The following VPS26A variants were observed in gnomAD, a reference collection of about 807,000 sequenced individuals.
VPS26A encodes the protein VPS26 retromer complex component A.
A neutral mutation model predicts 42.4 loss-of-function variants in VPS26A; 22 were observed. The ratio of observed to expected loss-of-function variants is 0.52; its 90% CI spans 0.37 to 0.74. The LOEUF is 0.74. Among genes scored for constraint, VPS26A ranks in the 30% least tolerant of loss-of-function variants. The pLI, the probability that VPS26A is intolerant of heterozygous loss-of-function variation, is 0.00. For missense variants in VPS26A, 276 were observed against 379.2 expected, an observed-to-expected ratio of 0.73 and a Z score of 2.26; for synonymous variants, 110 against 123.5, an observed-to-expected ratio of 0.89 and a Z score of 0.73.
chr10:69,151,568 T>G (rs1184593452), intron 2 of VPS26A, among the ~76,000 whole-genome samples: 2 of 152,230 alleles, frequency 1.3e-5, no homozygotes, highest in East Asian at 3.9e-4. Flanking sequence ...TGCCTTCAAA[T>G]TCTGGGATTC....
At chr10:69,160,226 C>T (rs533135037) in intron 5 of VPS26A, among the ~76,000 whole-genome samples, 8 of 152,226 alleles carry the variant, frequency 5.3e-5, no homozygotes, top group African/African-American at 1.9e-4. Flanking sequence ...ATGGCGTGAT[C>T]TCGGCTCACT....
intron 2 of VPS26A, among the ~76,000 whole-genome samples, chr10:69,148,748 G>GA (rs1841217748): frequency 6.7e-6 from 1 of 148,734 alleles, no homozygotes; most frequent in South Asian, 2.1e-4. Context: ...TGTTGGAGCA[G>GA]AGAGTATTTT....
intron 1 of VPS26A, among the ~76,000 whole-genome samples, chr10:69,126,277 C>T (rs1311682986): frequency 6.6e-6 from 1 of 152,088 alleles, no homozygotes; most frequent in Non-Finnish European, 1.5e-5. Flanking sequence ...GCCTGGCCAA[C>T]ATGGCGAAAC....
intron 2 of VPS26A, among the ~76,000 whole-genome samples, chr10:69,139,284 G>T (rs1840989640): frequency 6.6e-6 from 1 of 151,728 alleles, no homozygotes; most frequent in Admixed American, 6.6e-5. Context: ...ACATTTTTTT[G>T]AGTTATTTTA....
At position 69,171,182 on chromosome 10, in the gene VPS26A, T is replaced by G. The variant is rs1280807263; in HGVS notation, c.897T>G (p.Pro299=). 3.1e-6 allele frequency: 5 copies of G among 1,612,540 alleles called. No homozygotes were observed. In the African/African-American group the frequency reaches 6.7e-5, roughly 22 times the overall value. The change falls in exon 9 of 9, where the codon CCT becomes CCG. Residue 299 remains proline (P), a synonymous_variant. Transcript: ENST00000263559. ...AGATAATTTTATGGAGAAAAGCTCC[T>G]GAAAAACTGAGGAAACAGAGAACAA... ...QQEIILWRKA[P]EKLRKQRTNF...
At chr10:69,162,332 T>C in intron 5 of VPS26A, 74 bp from the exon 6 acceptor site, 2 of 741,502 alleles carry the variant, frequency 2.7e-6, no homozygotes, top group South Asian at 3.9e-5. Context: ...TCTATCAAAG[T>C]CTTTTAGGAC....
Position 69,162,485 on chromosome 10 carries a change from C to A in VPS26A, c.631C>A (p.Leu211Met). The A allele has an allele frequency of 6.4e-7, 1 of 1,562,492 alleles. No homozygotes were observed. Among genetic ancestry groups the A allele is most frequent in the Non-Finnish European group, 8.7e-7 (1 of 1,145,172 alleles). Residue 211 changes from leucine to methionine, a missense_variant, in exon 6 of 9, where the codon CTG (leucine) becomes ATG (methionine). Physicochemically the swap from Leu to Met is conservative, Grantham distance 15. Coordinates refer to ENST00000263559, the MANE Select transcript of VPS26A (RefSeq NM_004896.5). ...RIKIQHMELQ[L>M]IKKEITGIGP... ...AAAAATACAACATATGGAGTTACAG[C>A]TGATCAAAAAAGAGATCACAGGAAT...
chr10:69,162,017 T>TG (rs1841575353), intron 5 of VPS26A: 1 of 150,580 alleles, frequency 6.6e-6, no homozygotes, highest in East Asian at 1.9e-4. Flanking sequence ...TTTTTTGAGA[T>TG]GGAGTCTTGC....
intron 1 of VPS26A, among the ~76,000 whole-genome samples, chr10:69,124,761 G>A (rs894824978): frequency 1.3e-5 from 2 of 152,190 alleles, no homozygotes; most frequent in Admixed American, 6.5e-5. Context: ...CCTGACTATG[G>A]TGACATTCTT....
intron 2 of VPS26A, among the ~76,000 whole-genome samples, chr10:69,148,000 C>T (rs1327768589): frequency 1.3e-5 from 2 of 152,204 alleles, no homozygotes; most frequent in Admixed American, 6.5e-5. Context: ...GCATGAGCCA[C>T]CGTGCCCAGC....
chr10:69,131,469 T>C (rs12242192), intron 1 of VPS26A, among the ~76,000 whole-genome samples: 6,313 of 152,040 alleles, frequency 0.042, 451 homozygotes, highest in African/African-American at 0.14. Context: ...GCGCGGTGGC[T>C]CATGCCTGTA....
rs1841844175 is a variant in VPS26A, at chr10:69,172,688, T to C, written c.*1419T>C. Reference sequence around the variant, plus strand: ...GTGGATATCTATGAATGGTAATGTTTTCCTTCATGTAAGTGCCTATTCAGA... The same window carrying C: ...GTGGATATCTATGAATGGTAATGTTCTCCTTCATGTAAGTGCCTATTCAGA... On this transcript the variant is annotated 3_prime_UTR_variant, in exon 9 of 9. Coordinates refer to ENST00000263559, the MANE Select transcript of VPS26A (RefSeq NM_004896.5). 6.5e-6 allele frequency: 1 copy of C among 152,692 alleles called. No homozygotes were observed. The highest frequency in any genetic ancestry group is 2.4e-5 in the African/African-American group (1 of 41,472). The allele number at this position is 152,692 out of a possible 1,614,324, so 9.5% of individuals were successfully genotyped here.
chr10:69,168,762 G>A, intron 8 of VPS26A, 131 bp downstream of exon 8: 1 of 1,127,576 alleles, frequency 8.9e-7, no homozygotes, highest in South Asian at 1.9e-5. Context: ...GGGTATGATA[G>A]ATAAAGAAGT....
intron 2 of VPS26A, among the ~76,000 whole-genome samples, chr10:69,153,725 G>A (rs971359959): frequency 3.9e-5 from 6 of 152,058 alleles, no homozygotes; most frequent in African/African-American, 1.4e-4. Flanking sequence ...ATTTGGCTGG[G>A]TATGGTCACT....
At chr10:69,148,330 G>A (rs1841210421) in intron 2 of VPS26A, among the ~76,000 whole-genome samples, 1 of 152,134 alleles carries the variant, frequency 6.6e-6, no homozygotes. Context: ...CACTTAGAGT[G>A]AACTCTGGAT....
In VPS26A at chr10:69,154,871, ATG is replaced by A. The variant is rs375654275; in HGVS notation, c.154-930_154-929del. Among the ~76,000 whole-genome samples, 6 of 152,228 alleles carry A rather than the reference ATG, an allele frequency of 3.9e-5. No individual in the cohort carries two copies. In the South Asian group the frequency reaches 1.0e-3, roughly 26 times the overall value. On this transcript the variant is annotated intron_variant, in intron 2 of 8. Transcript: ENST00000263559. ...AGAGTGAGACTCTGTCTCTTAAAAT[ATG>A]TGTGTGTGTGCGCGCACGCGCACGT...
chr10:69,135,566 G>T (rs10998595), intron 2 of VPS26A, among the ~76,000 whole-genome samples: 2,393 of 152,252 alleles, frequency 0.016, 30 homozygotes, highest in Non-Finnish European at 0.022. Flanking sequence ...AATGTAGCAA[G>T]ATCCTGTCTC....
In VPS26A at chr10:69,173,730, T is replaced by C. The variant is rs1172635403; in HGVS notation, c.*2461T>C. On this transcript the variant is annotated 3_prime_UTR_variant, in exon 9 of 9. Transcript: ENST00000263559. ...AACGCACCAATCAGGCTGGGCACAG[T>C]GGCTCACGCCTGTAATCCCAGCACT... is the stretch of plus-strand genomic sequence containing the variant. 6.6e-6 allele frequency among the ~76,000 whole-genome samples: 1 copy of C among 152,218 alleles called. No individual in the cohort carries two copies. Among genetic ancestry groups the C allele is most frequent in the African/African-American group, 2.4e-5 (1 of 41,452 alleles).
chr10:69,127,093 A>ATTTTTTTTTTTTTTTTTTTTTTT (rs71035057), intron 1 of VPS26A, among the ~76,000 whole-genome samples: 4 of 97,534 alleles, frequency 4.1e-5, no homozygotes, highest in Non-Finnish European at 5.9e-5. Flanking sequence ...CACCCGGCCA[A>ATTTTTTTTTTTTTTTTTTTTTTT]TTTTTTTTTT....
Sources: gnomAD v4.1 joint callset for allele counts (sites outside exome capture counted in the v4.1 genomes callset) on GRCh38, gnomAD v4.1.1 for gene constraint, MANE v1.5 for transcripts, NCBI Gene and HGNC (gene_info 2026-07-23, HGNC 2026-07-21) for gene names.